The following PXDNL variants were observed in gnomAD, a reference collection of about 807,000 sequenced individuals.
PXDNL encodes probable oxidoreductase PXDNL.
Under a neutral mutation model 150.8 loss-of-function variants are expected in PXDNL, and 145 were observed. The ratio of observed to expected loss-of-function variants is 0.96; its 90% CI spans 0.84 to 1.10. The LOEUF is 1.10. Among genes scored for constraint, PXDNL ranks in the 50% least tolerant of loss-of-function variants. The pLI, the probability that PXDNL is intolerant of heterozygous loss-of-function variation, is 0.00. For synonymous variants in PXDNL, 757 were observed against 725.7 expected, an observed-to-expected ratio of 1.04 and a Z score of -0.69; for missense variants, 2,087 against 1,873.9, an observed-to-expected ratio of 1.11 and a Z score of -2.10.
intron 14 of PXDNL, among the ~76,000 whole-genome samples, chr8:51,422,855 TAAC>T (rs1272042876): frequency 6.6e-6 from 1 of 152,212 alleles, no homozygotes; most frequent in Non-Finnish European, 1.5e-5. Context: ...CAGGCAATCT[TAAC>T]AGCCTGTGTC....
intron 12 of PXDNL, among the ~76,000 whole-genome samples, chr8:51,428,533 T>C (rs1201608371): frequency 2.0e-5 from 3 of 152,128 alleles, no homozygotes; most frequent in Non-Finnish European, 4.4e-5. Context: ...CAAATATCAA[T>C]GGGACACAGC....
Position 51,608,054 on chromosome 8 carries a change from A to AAAGCAAGC in PXDNL, c.237-15364_237-15357dup, listed in dbSNP as rs755666717. ...GAAAGAAAGAAAGAAAGAAAGAAAG[A>AAAGCAAGC]AAGCAAGCAAGCAAGCAAGCAAGCA... On this transcript the variant is annotated intron_variant, in intron 2 of 22. Coordinates refer to ENST00000356297, the MANE Select transcript of PXDNL (RefSeq NM_144651.5). Among the ~76,000 whole-genome samples, 518 of 111,670 alleles carry AAAGCAAGC rather than the reference A, an allele frequency of 4.6e-3. 41 individuals carry two copies. The highest frequency in any genetic ancestry group is 0.013 in the African/African-American group (313 of 23,540). The allele number at this position is 111,670 out of a possible 152,430, so 73.3% of individuals were successfully genotyped here. A position where few individuals can be genotyped will look rare whatever the true frequency, so the allele number is the denominator to read the frequency against.
chr8:51,360,042 C>CA (rs1366137848), intron 19 of PXDNL, among the ~76,000 whole-genome samples: 5,322 of 85,468 alleles, frequency 0.062, 312 homozygotes, highest in African/African-American at 0.18. Context: ...AAGAGAAAAG[C>CA]AAAAAAAAAA....
intron 19 of PXDNL, among the ~76,000 whole-genome samples, chr8:51,348,106 A>G (rs556346332): frequency 1.3e-5 from 2 of 152,194 alleles, no homozygotes; most frequent in Admixed American, 6.5e-5. Context: ...CTGATTTTCA[A>G]TAGGTTGCAA....
chr8:51,417,698 C>T (rs1345869214), intron 14 of PXDNL, among the ~76,000 whole-genome samples: 2 of 152,144 alleles, frequency 1.3e-5, no homozygotes, highest in African/African-American at 2.4e-5. Flanking sequence ...CAGTCTTTCC[C>T]TATAAAGAGT....
At chr8:51,509,746 A>ACT (rs1811370268) in intron 4 of PXDNL, among the ~76,000 whole-genome samples, 1 of 51,568 alleles carries the variant, frequency 1.9e-5, no homozygotes, top group South Asian at 5.4e-4. Flanking sequence ...ATATATACAC[A>ACT]CACACACACA....
intron 1 of PXDNL, among the ~76,000 whole-genome samples, chr8:51,762,339 T>C (rs2037174486): frequency 6.6e-6 from 1 of 152,222 alleles, no homozygotes; most frequent in South Asian, 2.1e-4. Context: ...ATCCACATTC[T>C]ATAGAGAATC....
rs770960153 is a variant in PXDNL at position 51,374,614 on chromosome 8, C to A, written c.3675G>T (p.Arg1225=). 7.4e-6 allele frequency: 12 copies of A among 1,613,736 alleles called. No individual in the cohort carries two copies. Among genetic ancestry groups the A allele is most frequent in the African/African-American group, 1.3e-5 (1 of 74,874 alleles). ...TCATTCACCTATCTCCATCTCTTAG[C>A]CGCTGAAACTGGGTAACAAACAGGC... ...LMCLFVTQFQ[R]LRDGDRFWYE... is the part of the protein sequence containing the mutation. The change falls in exon 18 of 23, where the codon CGG becomes CGT. Residue 1225 remains arginine (R), a synonymous_variant. Transcript: ENST00000356297.
At chr8:51,587,074 T>C (rs1465054105) in intron 3 of PXDNL, among the ~76,000 whole-genome samples, 1 of 152,218 alleles carries the variant, frequency 6.6e-6, no homozygotes, top group African/African-American at 2.4e-5. Context: ...ACATTTTGTA[T>C]TACAGTGATT....
At chr8:51,349,822 C>G (rs891850602) in intron 19 of PXDNL, among the ~76,000 whole-genome samples, 1 of 152,110 alleles carries the variant, frequency 6.6e-6, no homozygotes, top group Non-Finnish European at 1.5e-5. Flanking sequence ...ATGCTGCATT[C>G]CATAGATTAA....
Position 51,453,616 on chromosome 8 carries a change from GT to G in PXDNL, c.1151del (p.Tyr384SerfsTer30). On this transcript the variant is annotated frameshift_variant, in exon 10 of 23. Coordinates refer to ENST00000356297, the MANE Select transcript of PXDNL (RefSeq NM_144651.5). LOFTEE classifies it high-confidence loss of function. ...GATCCCGTTGTGTGATGTTCTGTAA[GT>G]AAAGTCCACTGGACGTTGCCACGTG... ...SRHVATSSGLYLQNITQRDHG... is the reference protein window; with the variant it reads ...SRHVATSSGLXLQNITQRDHG... The G allele has an allele frequency of 6.2e-7, 1 of 1,614,052 alleles. No homozygotes were observed. The highest frequency in any genetic ancestry group is 8.5e-7 in the Non-Finnish European group (1 of 1,179,902).
chr8:51,450,223 C>T (rs1394578228), intron 10 of PXDNL, among the ~76,000 whole-genome samples: 4 of 152,160 alleles, frequency 2.6e-5, no homozygotes, highest in African/African-American at 7.2e-5. Flanking sequence ...GTGAGAACAA[C>T]CAGGGGTCAC....
intron 4 of PXDNL, among the ~76,000 whole-genome samples, chr8:51,502,918 A>C (rs1011374596): frequency 1.3e-5 from 2 of 152,292 alleles, no homozygotes; most frequent in East Asian, 3.9e-4. Context: ...AATAACATAC[A>C]ACAGTTTATC....
chr8:51,657,113 C>T (rs915691417), intron 1 of PXDNL, among the ~76,000 whole-genome samples: 11 of 152,190 alleles, frequency 7.2e-5, no homozygotes, highest in African/African-American at 2.4e-4. Context: ...GCTCAGAACA[C>T]TTGCATTAGC....
intron 3 of PXDNL, among the ~76,000 whole-genome samples, chr8:51,584,836 C>G (rs1302348264): frequency 1.3e-5 from 2 of 152,170 alleles, no homozygotes; most frequent in Non-Finnish European, 1.5e-5. Flanking sequence ...GTGGGCTAAT[C>G]AAGTCTTTTT....
At chr8:51,630,332 T>G (rs1814463783) in intron 2 of PXDNL, among the ~76,000 whole-genome samples, 1 of 152,000 alleles carries the variant, frequency 6.6e-6, no homozygotes, top group African/African-American at 2.4e-5. Context: ...TATAAAAACC[T>G]TGTAAGATAA....
chr8:51,564,065 C>T (rs188295062), intron 3 of PXDNL, among the ~76,000 whole-genome samples: 135 of 152,016 alleles, frequency 8.9e-4, no homozygotes, highest in Admixed American at 2.0e-3. Flanking sequence ...ATCTTGTTTT[C>T]TAAAAGATCC....
Position 51,457,576 on chromosome 8 carries a change from C to T in PXDNL, c.904G>A (p.Val302Ile). The change falls in exon 9 of 23, where the codon GTC becomes ATC. Residue 302 changes from valine (V) to isoleucine (I), a missense_variant. Coordinates refer to ENST00000356297, the MANE Select transcript of PXDNL (RefSeq NM_144651.5). ...IRNTRESDQG[V>I]YQCMARNSAG... ...GAATTTCTGGCCATGCACTGATAGA[C>T]ACCTTGGTCTGACTCTCTGGTGTTT... 6.2e-7 allele frequency: 1 copy of T among 1,613,892 alleles called. No individual in the cohort carries two copies. The highest frequency in any genetic ancestry group is 1.1e-5 in the South Asian group (1 of 91,072).
In PXDNL at chr8:51,787,907, C is replaced by T. The variant is rs1563321447; in HGVS notation, c.164+21274G>A. ...TTTTAAGAAAATTCCACAGCTTCCC[C>T]AGCCTTCAGCAACCACCATCCTGAT... On this transcript the variant is annotated intron_variant, in intron 1 of 22. Transcript: ENST00000356297. Among the ~76,000 whole-genome samples, 3 of 152,190 alleles carry T rather than the reference C, an allele frequency of 2.0e-5. No individual in the cohort carries two copies. The South Asian group carries it at 6.2e-4, about 31-fold the overall frequency.
Sources: gnomAD v4.1 joint callset for allele counts (sites outside exome capture counted in the v4.1 genomes callset) on GRCh38, gnomAD v4.1.1 for gene constraint, MANE v1.5 for transcripts, NCBI Gene and HGNC (gene_info 2026-07-23, HGNC 2026-07-21) for gene names.